The following ALKAL1 variants were observed in gnomAD, a reference collection of about 807,000 sequenced individuals.
The protein encoded by ALKAL1 is ALK and LTK ligand 1.
In ALKAL1, 23 loss-of-function variants were observed where a neutral mutation model predicts 13.5. The ratio of observed to expected loss-of-function variants is 1.70; its 90% confidence interval spans 1.23 to 2.41. The LOEUF (loss-of-function observed/expected upper bound fraction) is 2.41. Ranked by LOEUF, ALKAL1 falls within the 30% of genes most tolerant of loss-of-function variation. The pLI, the probability that ALKAL1 is intolerant of heterozygous loss-of-function variation, is 0.00. For synonymous variants in ALKAL1, 85 were observed against 77.7 expected, an observed-to-expected ratio of 1.09 and a Z score of -0.49; for missense variants, 181 against 178.4, an observed-to-expected ratio of 1.01 and a Z score of -0.08.
chr8:52,547,129 G>T (rs533706098), intron 1 of ALKAL1, among the ~76,000 whole-genome samples: 1 of 152,240 alleles, frequency 6.6e-6, no homozygotes, highest in South Asian at 2.1e-4. Flanking sequence ...GATTGAAAAT[G>T]AATTTGCATT....
rs559421625 is a variant in ALKAL1, at chr8:52,542,453, GAA to G, written c.191-10_191-9del. 6.7e-6 allele frequency: 9 copies of G among 1,345,920 alleles called. No homozygotes were observed. The highest frequency in any genetic ancestry group is 8.1e-6 in the Non-Finnish European group (8 of 986,104). 83.4% of individuals were successfully genotyped at this position (1,345,920 alleles called of 1,614,324 possible). ...AGTCTCTTGGGAATATTTCTGAAAA[GAA>G]AAAAAAAACCATCAGAATTTATTGA... On this transcript the variant is annotated splice_polypyrimidine_tract_variant and intron_variant, in intron 1 of 4. Coordinates refer to ENST00000358543, the MANE Select transcript of ALKAL1 (RefSeq NM_207413.4).
chr8:52,562,530 C>A (rs1247171080), intron 1 of ALKAL1, among the ~76,000 whole-genome samples: 1 of 152,138 alleles, frequency 6.6e-6, no homozygotes, highest in East Asian at 1.9e-4. Context: ...CCCCACTCTC[C>A]GCAATCCTCG....
chr8:52,538,046 G>T (rs936528950), intron 4 of ALKAL1, among the ~76,000 whole-genome samples: 8 of 150,512 alleles, frequency 5.3e-5, no homozygotes, highest in Non-Finnish European at 1.0e-4. Context: ...CAGAGATCGC[G>T]CCACTGCACT....
chr8:52,554,929 TG>T (rs775180899), intron 1 of ALKAL1, among the ~76,000 whole-genome samples: 1 of 152,104 alleles, frequency 6.6e-6, no homozygotes, highest in Non-Finnish European at 1.5e-5. Context: ...CCCAGCACTT[TG>T]GGAGGCTGAG....
chr8:52,558,592 C>G (rs1322400102), intron 1 of ALKAL1, among the ~76,000 whole-genome samples: 3 of 152,054 alleles, frequency 2.0e-5, no homozygotes, highest in Admixed American at 6.6e-5. Context: ...TCATTGCTTT[C>G]CTGCAGCCCA....
chr8:52,537,266 G>T (rs1847273836), intron 4 of ALKAL1, among the ~76,000 whole-genome samples: 1 of 152,088 alleles, frequency 6.6e-6, no homozygotes, highest in Admixed American at 6.6e-5. Flanking sequence ...TCATAACCAT[G>T]ATGAGATATC....
chr8:52,554,372 T>C (rs572755753), intron 1 of ALKAL1, among the ~76,000 whole-genome samples: 16 of 152,356 alleles, frequency 1.1e-4, no homozygotes, highest in African/African-American at 3.8e-4. Context: ...GATCAAGCCC[T>C]AATAATGTTC....
At chr8:52,543,393 C>T (rs1847333535) in intron 1 of ALKAL1, among the ~76,000 whole-genome samples, 1 of 152,196 alleles carries the variant, frequency 6.6e-6, no homozygotes, top group South Asian at 2.1e-4. Flanking sequence ...TTGGTAAATG[C>T]AGATGCAGGG....
rs1057465557 is a variant in ALKAL1 at position 52,534,465 on chromosome 8, C to T, written c.*148G>A. On this transcript the variant is annotated 3_prime_UTR_variant, in exon 5 of 5. Transcript: ENST00000358543. ...GACTCCATTCTATGACAGGAAACAGCTAACCAGTTATTTCTGGGAAGTCTC... is the reference window on the plus strand; with the variant it reads ...GACTCCATTCTATGACAGGAAACAGTTAACCAGTTATTTCTGGGAAGTCTC... 3.1e-5 allele frequency: 14 copies of T among 446,206 alleles called. No individual in the cohort carries two copies. Among genetic ancestry groups the T allele is most frequent in the African/African-American group, 2.8e-4 (14 of 49,370 alleles). The allele number at this position is 446,206 out of a possible 1,614,324, so 27.6% of individuals were successfully genotyped here.
At position 52,543,692 on chromosome 8, in the gene ALKAL1, C is replaced by T. The variant is rs374305063; in HGVS notation, c.191-1247G>A. Among the ~76,000 whole-genome samples, 8 of 152,316 alleles carry T rather than the reference C, an allele frequency of 5.3e-5. No homozygotes were observed. In the East Asian group the frequency reaches 5.8e-4, roughly 11 times the overall value. On this transcript the variant is annotated intron_variant, in intron 1 of 4. Coordinates refer to ENST00000358543, the MANE Select transcript of ALKAL1 (RefSeq NM_207413.4). ...CTCTTCAATAATGCTCCAGCCCGAA[C>T]ATAGGTCTTTTCCCCTGTACTTCTC...
In ALKAL1 at chr8:52,534,293, G is replaced by C. The variant is rs1353626888; in HGVS notation, c.*320C>G. 4.6e-6 allele frequency: 1 copy of C among 217,608 alleles called. No individual in the cohort carries two copies. The highest frequency in any genetic ancestry group is 8.9e-6 in the Non-Finnish European group (1 of 112,282). The allele number at this position is 217,608 out of a possible 1,614,324, so 13.5% of individuals were successfully genotyped here. ...ATTTACACAATTAAATGTTTAATTA[G>C]AATGTTAACCATATAAAGAAAATAA... On this transcript the variant is annotated 3_prime_UTR_variant, in exon 5 of 5. Transcript: ENST00000358543.
chr8:52,548,900 G>A (rs1402319242), intron 1 of ALKAL1, among the ~76,000 whole-genome samples: 1 of 151,728 alleles, frequency 6.6e-6, no homozygotes, highest in African/African-American at 2.4e-5. Flanking sequence ...TATATATGTT[G>A]GCATACTATC....
In ALKAL1 at chr8:52,559,628, T is replaced by C. The variant is rs113935899; in HGVS notation, c.190+5439A>G. Among the ~76,000 whole-genome samples the C allele has an allele frequency of 5.1e-3, 783 of 152,342 alleles. 7 individuals carry two copies. The highest frequency in any genetic ancestry group is 0.017 in the African/African-American group (723 of 41,566). ...CAGGGTGAAGTCCAAGAATTACATT[T>C]GAAACTTGCCTCTCAGCTGGTTCTG... On this transcript the variant is annotated intron_variant, in intron 1 of 4. Transcript: ENST00000358543.
rs1847247669 is a variant in ALKAL1 at position 52,534,377 on chromosome 8, C to T, written c.*236G>A. On this transcript the variant is annotated 3_prime_UTR_variant, in exon 5 of 5. Coordinates refer to ENST00000358543, the MANE Select transcript of ALKAL1 (RefSeq NM_207413.4). ...TTTTTAATATCTAATTTTCAATATG[C>T]GATTCAAACTCTGTTTTACAAAATT... 4 of 358,554 alleles carry T rather than the reference C, an allele frequency of 1.1e-5. No homozygotes were observed. The highest frequency in any genetic ancestry group is 2.0e-5 in the Non-Finnish European group (4 of 202,830). The allele number at this position is 358,554 out of a possible 1,614,324, so 22.2% of individuals were successfully genotyped here. A position where few individuals can be genotyped will look rare whatever the true frequency, so the allele number is the denominator to read the frequency against.
intron 1 of ALKAL1, among the ~76,000 whole-genome samples, chr8:52,556,777 C>T (rs1158348594): frequency 6.6e-6 from 1 of 151,250 alleles, no homozygotes; most frequent in African/African-American, 2.4e-5. Flanking sequence ...GCTCATTGTG[C>T]ACATAACCTA....
chr8:52,562,445 G>A (rs754410700), intron 1 of ALKAL1, among the ~76,000 whole-genome samples: 7 of 152,090 alleles, frequency 4.6e-5, no homozygotes, highest in Admixed American at 1.3e-4. Flanking sequence ...ATACAGGCAC[G>A]AACAAATGGG....
At position 52,563,080 on chromosome 8, in the gene ALKAL1, T is replaced by C. The variant is rs567821529; in HGVS notation, c.190+1987A>G. ...GGCTTTAAGGGTGCCCACAGGGCAC[T>C]TTCTGTCTGACTATATTGTTGTTTA... On this transcript the variant is annotated intron_variant, in intron 1 of 4. Coordinates refer to ENST00000358543, the MANE Select transcript of ALKAL1 (RefSeq NM_207413.4). Among the ~76,000 whole-genome samples, 111 of 152,304 alleles carry C rather than the reference T, an allele frequency of 7.3e-4. 1 individual carries two copies. Among genetic ancestry groups the C allele is most frequent in the African/African-American group, 2.6e-3 (107 of 41,562 alleles).
chr8:52,542,364 TG>T, intron 2 of ALKAL1, 27 bp downstream of exon 2: 1 of 1,408,470 alleles, frequency 7.1e-7, no homozygotes, highest in Non-Finnish European at 9.9e-7. Context: ...ATTTAGTTAA[TG>T]GAATCACTGA....
intron 2 of ALKAL1, 145 bp from the exon 3 acceptor site, chr8:52,540,056 T>C (rs2150343817): frequency 3.8e-6 from 2 of 532,948 alleles, no homozygotes; most frequent in South Asian, 3.6e-5. Flanking sequence ...CTCTTCCCCC[T>C]ACCCAGGCTC....
Sources: allele counts gnomAD v4.1 joint callset (sites outside exome capture counted in the v4.1 genomes callset), GRCh38; gene constraint gnomAD v4.1.1; transcripts MANE v1.5; gene names NCBI Gene and HGNC (gene_info 2026-07-23, HGNC 2026-07-21).